The following ITGA6 variants were observed in gnomAD, a reference collection of about 807,000 sequenced individuals.
ITGA6 encodes the protein integrin subunit alpha 6.
In ITGA6, 63 loss-of-function variants were observed where a neutral mutation model predicts 133.6. That is an observed-to-expected ratio of 0.47 (90% CI 0.38 to 0.58). ITGA6 has a LOEUF of 0.58. ITGA6 is among the 20% of genes least tolerant of loss of function. The probability of loss-of-function intolerance (pLI) is 0.00; values close to 1 mark genes in which losing one functional copy is unlikely to be tolerated. For synonymous variants in ITGA6, 434 were observed against 482.0 expected (o/e 0.90, Z 1.30); for missense variants, 1,068 against 1,309.4 (o/e 0.82, Z 2.85).
intron 1 of ITGA6, among the ~76,000 whole-genome samples, chr2:172,462,984 C>T (rs184426793): frequency 7.4e-4 from 112 of 152,340 alleles, no homozygotes; most frequent in Non-Finnish European, 1.4e-3. Flanking sequence ...GCTGTCATCT[C>T]TTAGTGACAT....
At position 172,491,582 on chromosome 2, in the gene ITGA6, C is replaced by T. The variant is rs867266851; in HGVS notation, c.2988+59C>T. ...ACATGTCTCTTTTCCCTGTACCCCACACTCATGTCCTGAAGTCATGTGCTT... is the reference window on the plus strand; with the variant it reads ...ACATGTCTCTTTTCCCTGTACCCCATACTCATGTCCTGAAGTCATGTGCTT... On this transcript the variant is annotated intron_variant, in intron 23 of 25. Transcript: ENST00000684293. This position sits in a 1 kb window ranked among gnomAD's most constrained non-coding sequence, Gnocchi z 4.4. 5.5e-5 allele frequency: 60 copies of T among 1,095,958 alleles called. No individual in the cohort carries two copies. In the African/African-American group the frequency reaches 8.8e-4, roughly 16 times the overall value. 67.9% of individuals were successfully genotyped at this position (1,095,958 alleles called of 1,614,324 possible).
Position 172,487,596 on chromosome 2 carries a change from G to A in ITGA6, c.2210G>A (p.Cys737Tyr), listed in dbSNP as rs1461070126. 2 of 1,614,188 alleles carry A rather than the reference G, an allele frequency of 1.2e-6. No homozygotes were observed. The highest frequency in any genetic ancestry group is 1.7e-6 in the Non-Finnish European group (2 of 1,180,010). Residue 737 changes from cysteine (C) to tyrosine (Y), a missense_variant, in exon 16 of 26, where the codon TGT (cysteine) becomes TAT (tyrosine). By Grantham distance (194) the Cys-to-Tyr change is radical. Coordinates refer to ENST00000684293, the MANE Select transcript of ITGA6 (RefSeq NM_000210.4). ...VANQNGSQAD[C>Y]ELGNPFKRNS... is the part of the protein sequence containing the mutation. ...AACCAGAATGGCTCGCAAGCTGACT[G>A]TGAGCTCGGAAATCCTTTTAAAAGA... is the stretch of plus-strand genomic sequence containing the variant.
At chr2:172,444,125 G>A (rs980889180) in intron 1 of ITGA6, among the ~76,000 whole-genome samples, 1 of 152,112 alleles carries the variant, frequency 6.6e-6, no homozygotes, top group East Asian at 1.9e-4. Flanking sequence ...TAGATAGAAC[G>A]ATTTCACAGA....
rs10209072 is a variant in ITGA6 at position 172,491,230 on chromosome 2, G to A, written c.2788G>A (p.Val930Met). ...ERKYQTLNCS[V>M]NVNCVNIRCP... is the part of the protein sequence containing the mutation. ...TTCTTTTTCTCTCTAGAACTGTAGCGTGAACGTGAACTGTGTGAACATCAG... is the reference window on the plus strand; with the variant it reads ...TTCTTTTTCTCTCTAGAACTGTAGCATGAACGTGAACTGTGTGAACATCAG... Residue 930 changes from valine to methionine, a missense_variant, in exon 22 of 26, where the codon GTG (valine) becomes ATG (methionine). Transcript: ENST00000684293. This position sits in a 1 kb window ranked among gnomAD's most constrained non-coding sequence, Gnocchi z 4.4. The A allele has an allele frequency of 5.8e-3, 9,239 of 1,605,338 alleles. 440 individuals are homozygous for A. The African/African-American group carries it at 0.11, about 19-fold the overall frequency.
chr2:172,476,351 A>G, intron 8 of ITGA6, 44 bp from the exon 9 acceptor site: 1 of 1,011,858 alleles, frequency 9.9e-7, no homozygotes, highest in Non-Finnish European at 1.6e-6. Context: ...TAAGAAGCTC[A>G]TGGTGATAAC....
chr2:172,465,309 T>C (rs554111307), intron 1 of ITGA6: 1 of 598,434 alleles, frequency 1.7e-6, no homozygotes, highest in South Asian at 1.9e-5. Flanking sequence ...ACAGGCCTAT[T>C]TTCCTCGTTT....
At chr2:172,457,321 A>G (rs1400684078) in intron 1 of ITGA6, among the ~76,000 whole-genome samples, 1 of 149,660 alleles carries the variant, frequency 6.7e-6, no homozygotes, top group Admixed American at 6.7e-5. Context: ...AAAAAGAAGC[A>G]AAGAAATTTA....
intron 1 of ITGA6, among the ~76,000 whole-genome samples, chr2:172,455,660 T>A (rs781346635): frequency 6.6e-6 from 1 of 152,244 alleles, no homozygotes; most frequent in Non-Finnish European, 1.5e-5. Context: ...AAGTGATTCT[T>A]TGGGACTGAT....
At chr2:172,501,682 G>A in intron 24 of ITGA6, 90 bp from the exon 25 acceptor site, 2 of 1,324,864 alleles carry the variant, frequency 1.5e-6, no homozygotes, top group South Asian at 2.4e-5. Flanking sequence ...CAAGCCACTA[G>A]TAGAAGGCAG....
intron 1 of ITGA6, among the ~76,000 whole-genome samples, chr2:172,443,743 CTG>C (rs754282472): frequency 5.3e-5 from 8 of 152,192 alleles, no homozygotes; most frequent in Non-Finnish European, 1.2e-4. Flanking sequence ...TGTTTTATCA[CTG>C]TGTTGAGTTT....
rs371152030 is a variant in ITGA6, at chr2:172,488,030, G to A, written c.2394G>A (p.Ser798=). Residue 798 remains serine (S), a synonymous_variant, in exon 18 of 26, where the codon TCG becomes TCA. Coordinates refer to ENST00000684293, the MANE Select transcript of ITGA6 (RefSeq NM_000210.4). ...AAGTGGTTATTGAACTGCTTTTATC[G>A]GTCTCGGGGTAAGTGTTTGTGTTTA... ...KAKVVIELLL[S]VSGVAKPSQV... 2.5e-5 allele frequency: 41 copies of A among 1,613,534 alleles called. 1 individual carries two copies. The highest frequency in any genetic ancestry group is 3.3e-5 in the Admixed American group (2 of 59,988).
Position 172,501,854 on chromosome 2 carries a change from A to G in ITGA6, c.3197A>G (p.Lys1066Arg), listed in dbSNP as rs1221998665. The change falls in exon 25 of 26, where the codon AAA becomes AGA. Residue 1066 changes from lysine (K) to arginine (R), a missense_variant. This residue lies in a region of ITGA6 where 609 missense variants were observed against 707.2 expected (regional missense o/e 0.86). Transcript: ENST00000684293. ...GAGATCCATGCTCAGCCATCTGATA[A>G]AGAGAGGCTTACTTCTGATGCATAG... The part of the protein sequence containing the change: ...KAEIHAQPSD[K>R]ERLTSDA The G allele has an allele frequency of 6.2e-7, 1 of 1,611,786 alleles. No homozygotes were observed. The highest frequency in any genetic ancestry group is 1.3e-5 in the African/African-American group (1 of 74,880).
chr2:172,461,488 CA>C (rs1330156579), intron 1 of ITGA6, among the ~76,000 whole-genome samples: 1 of 152,220 alleles, frequency 6.6e-6, no homozygotes, highest in African/African-American at 2.4e-5. Flanking sequence ...TAATTTCTAT[CA>C]CCTCCCTACA....
At chr2:172,499,657 C>T (rs5015856) in intron 24 of ITGA6, among the ~76,000 whole-genome samples, 77,475 of 152,052 alleles carry the variant, frequency 0.51, 21,032 homozygotes, top group East Asian at 0.87. Context: ...CCATTGCACC[C>T]GGCCTTGAAA....
At chr2:172,496,103 T>C (rs907147259) in intron 23 of ITGA6, among the ~76,000 whole-genome samples, 5 of 152,204 alleles carry the variant, frequency 3.3e-5, no homozygotes, top group African/African-American at 1.2e-4. Flanking sequence ...AAATCATCTA[T>C]TTGGTTTGTT....
chr2:172,452,731 A>G lies in ITGA6; in HGVS notation c.183-12808A>G, dbSNP rs1377508586. 2.0e-5 allele frequency among the ~76,000 whole-genome samples: 3 copies of G among 152,232 alleles called. No homozygotes were observed. In the East Asian group the frequency reaches 5.8e-4, roughly 29 times the overall value. ...GTTGAAGTTTCCTAAGTGTTCTCTC[A>G]AAACCCATATTAATGGACTCATTTT... On this transcript the variant is annotated intron_variant, in intron 1 of 25. Transcript: ENST00000684293.
intron 24 of ITGA6, among the ~76,000 whole-genome samples, chr2:172,498,766 C>T (rs1205646963): frequency 1.3e-5 from 2 of 152,128 alleles, no homozygotes; most frequent in Non-Finnish European, 2.9e-5. Flanking sequence ...AGATTACAAC[C>T]TAAAAATTTT....
intron 1 of ITGA6, among the ~76,000 whole-genome samples, chr2:172,458,285 G>A (rs1427009121): frequency 6.7e-6 from 1 of 148,702 alleles, no homozygotes; most frequent in South Asian, 2.1e-4. Context: ...CTATCACTCA[G>A]GCTGGAGTGC....
chr2:172,465,869 C>G, intron 2 of ITGA6: 1 of 729,234 alleles, frequency 1.4e-6, no homozygotes, highest in South Asian at 1.7e-5. Context: ...TGCTGCTCCT[C>G]CTAACCGTGG....
Sources: gnomAD v4.1 joint callset for allele counts (sites outside exome capture counted in the v4.1 genomes callset) on GRCh38, gnomAD v4.1.1 for gene constraint, gnomAD v4.1.1 regional missense constraint, Gnocchi (gnomAD v3.1) non-coding constraint, MANE v1.5 for transcripts, NCBI Gene and HGNC (gene_info 2026-07-23, HGNC 2026-07-21) for gene names.